SRGAP1: variants seen among roughly 807,000 people sequenced by gnomAD.
The protein encoded by SRGAP1 is SLIT-ROBO Rho GTPase activating protein 1, also known as SLIT-ROBO Rho GTPase-activating protein 1.
A neutral mutation model predicts 121.9 loss-of-function variants in SRGAP1; 43 were observed. The ratio of observed to expected loss-of-function variants is 0.35; its 90% CI spans 0.28 to 0.46. SRGAP1 has a LOEUF of 0.46. Among genes scored for constraint, SRGAP1 ranks in the 20% least tolerant of loss-of-function variants. The pLI is 1.00. For missense variants in SRGAP1, 1,102 were observed against 1,350.9 expected, an observed-to-expected ratio of 0.82 and a Z score of 2.89; for synonymous variants, 447 against 485.4, an observed-to-expected ratio of 0.92 and a Z score of 1.04.
At chr12:63,973,950 C>T (rs1175815651) in intron 1 of SRGAP1, among the ~76,000 whole-genome samples, 3 of 152,184 alleles carry the variant, frequency 2.0e-5, no homozygotes, top group African/African-American at 7.2e-5. Context: ...TTTTCAGGAA[C>T]ACAGTCATTC....
chr12:63,867,201 G>A (rs568369657), intron 1 of SRGAP1, among the ~76,000 whole-genome samples: 8 of 152,306 alleles, frequency 5.3e-5, no homozygotes, highest in African/African-American at 1.9e-4. Flanking sequence ...CTAAACAGTG[G>A]TTAGTGATGT....
chr12:63,977,541 ATTTAT>A (rs780929123), intron 1 of SRGAP1, among the ~76,000 whole-genome samples: 4 of 152,202 alleles, frequency 2.6e-5, no homozygotes, highest in Non-Finnish European at 4.4e-5. Context: ...CTTCACACAA[ATTTAT>A]TTTAAGAGTT....
chr12:63,916,939 C>T (rs55965024), intron 1 of SRGAP1, among the ~76,000 whole-genome samples: 7,222 of 152,098 alleles, frequency 0.047, 261 homozygotes, highest in Middle Eastern at 0.14. Flanking sequence ...ATCAAAACCA[C>T]GAGGCCAGAT....
chr12:63,878,526 T>TTG (rs2136283862), intron 1 of SRGAP1, among the ~76,000 whole-genome samples: 1 of 152,280 alleles, frequency 6.6e-6, no homozygotes, highest in Admixed American at 6.5e-5. Flanking sequence ...ATGTTTGTGT[T>TTG]TGTGTGTGTG....
At chr12:63,912,253 T>G (rs2030535540) in intron 1 of SRGAP1, among the ~76,000 whole-genome samples, 3 of 152,162 alleles carry the variant, frequency 2.0e-5, no homozygotes, top group African/African-American at 7.2e-5. Context: ...ACTGACACTA[T>G]CCCTATTTCA....
intron 3 of SRGAP1, among the ~76,000 whole-genome samples, chr12:63,998,167 A>G (rs1221542755): frequency 1.3e-5 from 2 of 152,190 alleles, no homozygotes; most frequent in African/African-American, 4.8e-5. Context: ...TCCTACGGGA[A>G]GAGACCTTCA....
rs144212121 is a variant in SRGAP1, at chr12:63,949,613, G to A, written c.68-34334G>A. 4.6e-3 allele frequency among the ~76,000 whole-genome samples: 701 copies of A among 151,904 alleles called. 9 individuals are homozygous for A. The highest frequency in any genetic ancestry group is 0.016 in the African/African-American group (662 of 41,426). ...CAGCTAATTTTTTGTATTTTTGGTAGAGACGGTGTTTCACCGTTTTAGCCA... is the reference window on the plus strand; with the variant it reads ...CAGCTAATTTTTTGTATTTTTGGTAAAGACGGTGTTTCACCGTTTTAGCCA... On this transcript the variant is annotated intron_variant, in intron 1 of 21. Coordinates refer to ENST00000355086, the MANE Select transcript of SRGAP1 (RefSeq NM_020762.4).
chr12:63,973,694 T>C (rs1467932447), intron 1 of SRGAP1, among the ~76,000 whole-genome samples: 1 of 152,220 alleles, frequency 6.6e-6, no homozygotes, highest in East Asian at 1.9e-4. Context: ...AAAGGCTCAA[T>C]TTGCAATTAA....
intron 4 of SRGAP1, among the ~76,000 whole-genome samples, chr12:64,040,008 T>C (rs2034982756): frequency 6.6e-6 from 1 of 152,184 alleles, no homozygotes; most frequent in African/African-American, 2.4e-5. Flanking sequence ...GTTCTGGCTC[T>C]GTAATGCCTT....
chr12:63,958,267 G>A (rs1318898238), intron 1 of SRGAP1, among the ~76,000 whole-genome samples: 1 of 152,134 alleles, frequency 6.6e-6, no homozygotes, highest in Non-Finnish European at 1.5e-5. Context: ...GCCCCAGAAA[G>A]TTCTCCTGGC....
chr12:64,141,375 T>A (rs1454763497), intron 21 of SRGAP1, among the ~76,000 whole-genome samples: 2 of 148,668 alleles, frequency 1.3e-5, no homozygotes, highest in Non-Finnish European at 3.0e-5. Context: ...AGGTCAGGAG[T>A]TCGAGACCAG....
chr12:63,953,540 C>T (rs2032365201), intron 1 of SRGAP1, among the ~76,000 whole-genome samples: 1 of 151,480 alleles, frequency 6.6e-6, no homozygotes, highest in South Asian at 2.1e-4. Flanking sequence ...GTAGCTGAGA[C>T]TATAGGCATG....
intron 1 of SRGAP1, among the ~76,000 whole-genome samples, chr12:63,938,723 C>T (rs2031755124): frequency 6.6e-6 from 1 of 151,044 alleles, no homozygotes; most frequent in African/African-American, 2.4e-5. Flanking sequence ...TGTGAAATCT[C>T]TTCAGAAATG....
intron 1 of SRGAP1, among the ~76,000 whole-genome samples, chr12:63,912,713 T>A (rs551630504): frequency 1.1e-4 from 16 of 152,214 alleles, no homozygotes; most frequent in African/African-American, 3.4e-4. Context: ...AAAATTTTTT[T>A]AAAAAAGAGA....
At chr12:63,904,182 T>C (rs1253729153) in intron 1 of SRGAP1, among the ~76,000 whole-genome samples, 1 of 151,028 alleles carries the variant, frequency 6.6e-6, no homozygotes, top group African/African-American at 2.4e-5. Context: ...ACTATGCTCC[T>C]TTCTCCTTTA....
At chr12:64,094,862 C>A in intron 12 of SRGAP1, 70 bp from the exon 13 acceptor site, 1 of 1,406,042 alleles carries the variant, frequency 7.1e-7, no homozygotes, top group Non-Finnish European at 1.0e-6. Context: ...CTGTTAAACT[C>A]TAAGCCTTAT....
Position 63,871,931 on chromosome 12 carries a change from C to G in SRGAP1, c.67+27048C>G. On this transcript the variant is annotated intron_variant, in intron 1 of 21. Transcript: ENST00000355086. ...TCTGCCCACCATAGCCACTCTGCTT[C>G]TGATCATAGCACCTCTTTCCCTGGG... 6.2e-6 allele frequency: 8 copies of G among 1,291,070 alleles called. No individual in the cohort carries two copies. The East Asian group carries it at 1.6e-4, about 26-fold the overall frequency. The allele number at this position is 1,291,070 out of a possible 1,614,324, so 80.0% of individuals were successfully genotyped here. A position where few individuals can be genotyped will look rare whatever the true frequency, so the allele number is the denominator to read the frequency against.
At chr12:64,091,795 T>C (rs2036057429) in intron 12 of SRGAP1, 1 of 862,250 alleles carries the variant, frequency 1.2e-6, no homozygotes, top group Non-Finnish European at 1.7e-6. Context: ...GAATTCATTA[T>C]ATTGAATGAA....
intron 3 of SRGAP1, among the ~76,000 whole-genome samples, chr12:64,011,688 T>A (rs2034256606): frequency 6.6e-6 from 1 of 152,212 alleles, no homozygotes; most frequent in Non-Finnish European, 1.5e-5. Flanking sequence ...TAATGTACAT[T>A]TACTAGGTAG....
Sources: allele counts gnomAD v4.1 joint callset (sites outside exome capture counted in the v4.1 genomes callset), GRCh38; gene constraint gnomAD v4.1.1; transcripts MANE v1.5; gene names NCBI Gene and HGNC (gene_info 2026-07-23, HGNC 2026-07-21).